Variants in DENND1A observed in about 807,000 individuals in gnomAD.
The protein encoded by DENND1A is DENN domain containing 1A.
In DENND1A, 51 loss-of-function variants were observed where a neutral mutation model predicts 113.7. The observed-to-expected ratio is 0.45, with a 90% confidence interval of 0.36 to 0.57. DENND1A has a LOEUF of 0.57. DENND1A is among the 20% of genes least tolerant of loss of function. The pLI, the probability that DENND1A is intolerant of heterozygous loss-of-function variation, is 0.00. For synonymous variants in DENND1A, 565 were observed against 570.8 expected (o/e 0.99, Z 0.14); for missense variants, 1,258 against 1,395.9 (o/e 0.90, Z 1.57).
At chr9:123,693,511 T>C (rs1162169171) in intron 5 of DENND1A, among the ~76,000 whole-genome samples, 1 of 152,102 alleles carries the variant, frequency 6.6e-6, no homozygotes. Flanking sequence ...CCTATTCCTA[T>C]AATTTCGCTT....
intron 9 of DENND1A, among the ~76,000 whole-genome samples, chr9:123,644,941 G>C (rs1337256056): frequency 6.6e-6 from 1 of 152,136 alleles, no homozygotes; most frequent in Non-Finnish European, 1.5e-5. Context: ...AAAGCAGTAT[G>C]AATTAAGCTC....
chr9:123,886,693 C>G, intron 1 of DENND1A, among the ~76,000 whole-genome samples: 1 of 152,200 alleles, frequency 6.6e-6, no homozygotes, highest in Non-Finnish European at 1.5e-5. Context: ...TCACTGGACT[C>G]TGAAATTAAA....
At chr9:123,446,499 T>A (rs1191126981) in intron 18 of DENND1A, among the ~76,000 whole-genome samples, 1 of 152,156 alleles carries the variant, frequency 6.6e-6, no homozygotes, top group East Asian at 1.9e-4. Context: ...CAACTGTGAA[T>A]TTGCTCCTTT....
intron 19 of DENND1A, chr9:123,414,370 C>T: frequency 7.0e-7 from 1 of 1,427,218 alleles, no homozygotes; most frequent in African/African-American, 1.4e-5. Flanking sequence ...AGTCCATCGC[C>T]TACATTTGTT....
chr9:123,445,786 G>T (rs2047261772), intron 18 of DENND1A, among the ~76,000 whole-genome samples: 2 of 152,226 alleles, frequency 1.3e-5, no homozygotes, highest in Non-Finnish European at 2.9e-5. Flanking sequence ...AGAATCACTT[G>T]AACCTGGGAG....
intron 19 of DENND1A, among the ~76,000 whole-genome samples, chr9:123,420,177 AAAGG>A (rs2045132277): frequency 6.6e-6 from 1 of 152,156 alleles, no homozygotes; most frequent in Non-Finnish European, 1.5e-5. Flanking sequence ...TTCTTCAGGG[AAAGG>A]AAGGGAGGCT....
At chr9:123,583,590 C>T (rs1266797226) in intron 11 of DENND1A, among the ~76,000 whole-genome samples, 1 of 152,190 alleles carries the variant, frequency 6.6e-6, no homozygotes, top group Non-Finnish European at 1.5e-5. Flanking sequence ...ATATATTTAA[C>T]AGACGCTGAG....
At position 123,381,240 on chromosome 9, in the gene DENND1A, G is replaced by A. The variant is rs1049478580; in HGVS notation, c.*192C>T. 1.6e-6 allele frequency: 1 copy of A among 631,388 alleles called. No individual in the cohort carries two copies. The highest frequency in any genetic ancestry group is 2.0e-5 in the South Asian group (1 of 51,166). 39.1% of individuals were successfully genotyped at this position (631,388 alleles called of 1,614,324 possible). ...AGGAACTGGGTTGATTCCCAGGCTG[G>A]AACTGGTGCCATTCCCCAGGGCCAG... On this transcript the variant is annotated 3_prime_UTR_variant, in exon 24 of 24. Transcript: ENST00000394215. This position sits in a 1 kb window ranked among gnomAD's most constrained non-coding sequence, Gnocchi z 4.7.
chr9:123,641,801 C>T (rs1428859845), intron 9 of DENND1A, among the ~76,000 whole-genome samples: 1 of 152,202 alleles, frequency 6.6e-6, no homozygotes, highest in East Asian at 1.9e-4. Context: ...GGCTGTGTAT[C>T]AATCATCCGG....
intron 13 of DENND1A, among the ~76,000 whole-genome samples, chr9:123,493,856 C>T (rs1231810269): frequency 6.6e-6 from 1 of 152,088 alleles, no homozygotes; most frequent in Non-Finnish European, 1.5e-5. Flanking sequence ...CCCTCCATTG[C>T]TTCACCAATA....
At chr9:123,858,058 CAAAAAAAA>C (rs1230079039) in intron 2 of DENND1A, among the ~76,000 whole-genome samples, 1 of 51,086 alleles carries the variant, frequency 2.0e-5, no homozygotes, top group East Asian at 5.5e-4. Context: ...GACTCCGTCT[CAAAAAAAA>C]AAAAAAAAAA....
At chr9:123,832,350 G>A (rs986403907) in intron 2 of DENND1A, among the ~76,000 whole-genome samples, 2 of 152,140 alleles carry the variant, frequency 1.3e-5, no homozygotes, top group African/African-American at 4.8e-5. Context: ...CATTCAGAAT[G>A]GCTAAAATTA....
intron 13 of DENND1A, among the ~76,000 whole-genome samples, chr9:123,462,766 CA>C (rs2048634199): frequency 6.6e-6 from 1 of 152,180 alleles, no homozygotes; most frequent in Admixed American, 6.5e-5. Flanking sequence ...CATTGCACTC[CA>C]GCCTGGGCAA....
At chr9:123,579,004 C>G (rs1205854051) in intron 12 of DENND1A, among the ~76,000 whole-genome samples, 1 of 152,056 alleles carries the variant, frequency 6.6e-6, no homozygotes, top group East Asian at 1.9e-4. Context: ...AAATTTGGGA[C>G]AACCATTAAC....
At chr9:123,797,824 G>T (rs1485239237) in intron 2 of DENND1A, among the ~76,000 whole-genome samples, 2 of 151,804 alleles carry the variant, frequency 1.3e-5, no homozygotes, top group Non-Finnish European at 2.9e-5. Context: ...GAAACAAAAA[G>T]GTTTAGGTTG....
At chr9:123,630,685 C>T (rs1360653327) in intron 9 of DENND1A, among the ~76,000 whole-genome samples, 1 of 151,928 alleles carries the variant, frequency 6.6e-6, no homozygotes, top group Non-Finnish European at 1.5e-5. Context: ...GATGATAAAG[C>T]TAATATACGA....
intron 4 of DENND1A, among the ~76,000 whole-genome samples, chr9:123,765,479 T>G (rs1013803672): frequency 6.6e-6 from 1 of 152,180 alleles, no homozygotes; most frequent in African/African-American, 2.4e-5. Context: ...TGGGGTTACA[T>G]CCTGACCATT....
At chr9:123,900,518 T>A (rs567973133) in intron 1 of DENND1A, among the ~76,000 whole-genome samples, 1 of 152,180 alleles carries the variant, frequency 6.6e-6, no homozygotes, top group Non-Finnish European at 1.5e-5. Context: ...AGAGCTCTAA[T>A]TGAGCTGAAA....
rs114918048 is a variant in DENND1A, at chr9:123,672,985, T to C, written c.373-1614A>G. On this transcript the variant is annotated intron_variant, in intron 6 of 23. Coordinates refer to ENST00000394215, the MANE Select transcript of DENND1A (RefSeq NM_001352964.2). The stretch of plus-strand genomic sequence containing the variant: ...CTTCAGAATCACATGTTGCAGTTAG[T>C]AGTTATAACCCTCTACTCATCCTCA... Among the ~76,000 whole-genome samples the C allele has an allele frequency of 2.1e-3, 326 of 152,354 alleles. 1 individual carries two copies. Among genetic ancestry groups the C allele is most frequent in the African/African-American group, 7.5e-3 (312 of 41,572 alleles).
Sources: gnomAD v4.1 joint callset for allele counts (sites outside exome capture counted in the v4.1 genomes callset) on GRCh38, gnomAD v4.1.1 for gene constraint, Gnocchi (gnomAD v3.1) non-coding constraint, MANE v1.5 for transcripts, NCBI Gene and HGNC (gene_info 2026-07-23, HGNC 2026-07-21) for gene names.